GRM8: variants seen among roughly 807,000 people sequenced by gnomAD.
GRM8 encodes the protein glutamate metabotropic receptor 8.
A neutral mutation model predicts 87.2 loss-of-function variants in GRM8; 47 were observed. The observed-to-expected ratio is 0.54, with a 90% confidence interval of 0.43 to 0.69. The LOEUF (loss-of-function observed/expected upper bound fraction) is 0.69, where lower values mean the gene tolerates loss of function less well. Ranked by LOEUF, GRM8 falls within the 30% of genes least tolerant of loss-of-function variation. The pLI is 0.00. For missense variants in GRM8, 1,019 were observed against 1,139.2 expected (o/e 0.89, Z 1.52); for synonymous variants, 396 against 404.5 (o/e 0.98, Z 0.25).
At chr7:126,834,881 T>C (rs1795698128) in intron 6 of GRM8, among the ~76,000 whole-genome samples, 1 of 152,008 alleles carries the variant, frequency 6.6e-6, no homozygotes, top group African/African-American at 2.4e-5. Flanking sequence ...GAGGATTGCT[T>C]GAGCTTAGGA....
At chr7:126,612,672 C>A (rs1332302412) in intron 7 of GRM8, among the ~76,000 whole-genome samples, 1 of 152,166 alleles carries the variant, frequency 6.6e-6, no homozygotes, top group African/African-American at 2.4e-5. Context: ...CTTCACAAAA[C>A]TATGGTCTTC....
intron 3 of GRM8, among the ~76,000 whole-genome samples, chr7:126,918,560 T>G (rs1804174654): frequency 6.6e-6 from 1 of 152,232 alleles, no homozygotes; most frequent in South Asian, 2.1e-4. Flanking sequence ...GGATTTCAGC[T>G]GGACTCAATA....
chr7:126,622,202 C>G (rs1391201016), intron 7 of GRM8, among the ~76,000 whole-genome samples: 3 of 152,132 alleles, frequency 2.0e-5, no homozygotes, highest in Non-Finnish European at 4.4e-5. Context: ...ATCTATCTCC[C>G]TGAATTTTGC....
At chr7:126,763,472 T>TATAC (rs1479649712) in intron 7 of GRM8, among the ~76,000 whole-genome samples, 6,116 of 77,958 alleles carry the variant, frequency 0.078, 227 homozygotes, top group East Asian at 0.21. Flanking sequence ...TATATATATA[T>TATAC]ACACACACAC....
chr7:127,015,212 A>G (rs543486158), intron 3 of GRM8, among the ~76,000 whole-genome samples: 87 of 129,328 alleles, frequency 6.7e-4, no homozygotes, highest in African/African-American at 1.8e-3. Flanking sequence ...GAAGAAGAAG[A>G]AGAAGAAGAA....
At chr7:126,856,677 T>C (rs1171072349) in intron 6 of GRM8, among the ~76,000 whole-genome samples, 1 of 152,192 alleles carries the variant, frequency 6.6e-6, no homozygotes, top group African/African-American at 2.4e-5. Flanking sequence ...TGCAAGGAAT[T>C]GGAAATGGGA....
At chr7:126,785,396 T>C (rs192904175) in intron 6 of GRM8, among the ~76,000 whole-genome samples, 1 of 152,192 alleles carries the variant, frequency 6.6e-6, no homozygotes, top group East Asian at 1.9e-4. Flanking sequence ...CAATGCTACC[T>C]AGGCAGACAC....
At chr7:127,251,596 G>A (rs1039882272) in intron 1 of GRM8, among the ~76,000 whole-genome samples, 9 of 151,952 alleles carry the variant, frequency 5.9e-5, no homozygotes, top group African/African-American at 9.7e-5. Flanking sequence ...GACTGGGGCC[G>A]TGGGGAGAGC....
At chr7:126,458,496 C>A (rs1447736781) in intron 9 of GRM8, among the ~76,000 whole-genome samples, 1 of 151,036 alleles carries the variant, frequency 6.6e-6, no homozygotes, top group African/African-American at 2.4e-5. Flanking sequence ...GTAAGCAACG[C>A]ATTATAGAAA....
At chr7:126,737,024 T>C (rs889562334) in intron 7 of GRM8, among the ~76,000 whole-genome samples, 4 of 152,050 alleles carry the variant, frequency 2.6e-5, no homozygotes, top group South Asian at 4.1e-4. Flanking sequence ...AAGATGATAA[T>C]AGCCCTTTCT....
At chr7:126,994,849 G>C (rs189806467) in intron 3 of GRM8, among the ~76,000 whole-genome samples, 1 of 152,192 alleles carries the variant, frequency 6.6e-6, no homozygotes, top group Non-Finnish European at 1.5e-5. Flanking sequence ...GACAAAATCT[G>C]TGGCTTCCCC....
chr7:126,925,741 T>TG (rs1245215012), intron 3 of GRM8, among the ~76,000 whole-genome samples: 1 of 152,306 alleles, frequency 6.6e-6, no homozygotes, highest in Non-Finnish European at 1.5e-5. Flanking sequence ...GTTTAAGTCT[T>TG]GGCACACAGT....
Position 127,125,487 on chromosome 7 carries a change from G to A in GRM8, c.511-18775C>T, listed in dbSNP as rs564877616. ...CAAACACAAATAATAAAACTATACA[G>A]CAGTACACGCAAGGATACAAAAATA... On this transcript the variant is annotated intron_variant, in intron 2 of 10. Coordinates refer to ENST00000339582, the MANE Select transcript of GRM8 (RefSeq NM_000845.3). Among the ~76,000 whole-genome samples, 328 of 151,978 alleles carry A rather than the reference G, an allele frequency of 2.2e-3. 1 individual carries two copies. Among genetic ancestry groups the A allele is most frequent in the Non-Finnish European group, 2.5e-3 (169 of 67,892 alleles).
At chr7:126,615,699 A>G (rs1406809346) in intron 7 of GRM8, among the ~76,000 whole-genome samples, 1 of 152,196 alleles carries the variant, frequency 6.6e-6, no homozygotes, top group Non-Finnish European at 1.5e-5. Context: ...GCAAATGGAA[A>G]ACAAAAAAAG....
At chr7:126,747,068 G>C (rs1815785022) in intron 7 of GRM8, among the ~76,000 whole-genome samples, 1 of 151,782 alleles carries the variant, frequency 6.6e-6, no homozygotes, top group African/African-American at 2.4e-5. Context: ...TTAGTCAAAT[G>C]TATCATTGGT....
intron 7 of GRM8, among the ~76,000 whole-genome samples, chr7:126,686,675 C>G (rs1808226808): frequency 6.6e-6 from 1 of 152,196 alleles, no homozygotes; most frequent in Non-Finnish European, 1.5e-5. Flanking sequence ...CCCACACTCA[C>G]TCACACTCAC....
At chr7:126,927,178 C>T (rs1805225281) in intron 3 of GRM8, among the ~76,000 whole-genome samples, 1 of 152,160 alleles carries the variant, frequency 6.6e-6, no homozygotes, top group Non-Finnish European at 1.5e-5. Context: ...CTCCATCACC[C>T]AGGCTAGAAC....
Position 126,873,379 on chromosome 7 carries a change from G to A in GRM8, c.1156+29163C>T, listed in dbSNP as rs113914123. Among the ~76,000 whole-genome samples, 93 of 152,006 alleles carry A rather than the reference G, an allele frequency of 6.1e-4. 1 individual carries two copies. Among genetic ancestry groups the A allele is most frequent in the African/African-American group, 2.0e-3 (83 of 41,412 alleles). On this transcript the variant is annotated intron_variant, in intron 6 of 10. Transcript: ENST00000339582. ...TATTTTAATAACTGAAGGAAAAAAC[G>A]GTTGATGCTTATAAACTGTGTATCA... is the stretch of plus-strand genomic sequence containing the variant.
chr7:127,240,296 A>G (rs1798213117), intron 2 of GRM8, among the ~76,000 whole-genome samples: 1 of 152,148 alleles, frequency 6.6e-6, no homozygotes, highest in African/African-American at 2.4e-5. Flanking sequence ...AGTTTCCTTC[A>G]ATAGCCCAAA....
Sources: allele counts gnomAD v4.1 joint callset (sites outside exome capture counted in the v4.1 genomes callset), GRCh38; gene constraint gnomAD v4.1.1; transcripts MANE v1.5; gene names NCBI Gene and HGNC (gene_info 2026-07-23, HGNC 2026-07-21).